Variants in MAPK10 observed in about 807,000 individuals in gnomAD.
The protein encoded by MAPK10 is mitogen-activated protein kinase 10, also known as JNK3 alpha protein kinase.
A neutral mutation model predicts 59.3 loss-of-function variants in MAPK10; 25 were observed. The ratio of observed to expected loss-of-function variants is 0.42; its 90% CI spans 0.31 to 0.59. The LOEUF is 0.59. MAPK10 is among the 20% of genes least tolerant of loss of function. The pLI is 0.15. For missense variants in MAPK10, 351 were observed against 568.9 expected (o/e 0.62, Z 3.90); for synonymous variants, 190 against 200.5 (o/e 0.95, Z 0.44).
At chr4:86,071,557 A>G (rs2149003633) in intron 9 of MAPK10, among the ~76,000 whole-genome samples, 1 of 147,322 alleles carries the variant, frequency 6.8e-6, no homozygotes, top group Middle Eastern at 3.5e-3. Flanking sequence ...TCCATCTTGA[A>G]TTGATTTTTG....
chr4:86,398,067 G>C (rs1489874488), intron 1 of MAPK10, among the ~76,000 whole-genome samples: 1 of 151,814 alleles, frequency 6.6e-6, no homozygotes, highest in Admixed American at 6.6e-5. Flanking sequence ...CTCAGTTCTG[G>C]GGAGATAGAG....
At chr4:86,216,324 A>G (rs1334527281) in intron 2 of MAPK10, among the ~76,000 whole-genome samples, 2 of 148,436 alleles carry the variant, frequency 1.3e-5, no homozygotes, top group African/African-American at 2.5e-5. Context: ...ATATAGCCAC[A>G]TATATACACA....
At chr4:86,259,461 T>A (rs2093895551) in intron 2 of MAPK10, among the ~76,000 whole-genome samples, 1 of 152,090 alleles carries the variant, frequency 6.6e-6, no homozygotes, top group Admixed American at 6.6e-5. Context: ...TATTTCTAAG[T>A]TAAATAAGAT....
At chr4:86,055,056 A>T (rs2044289485) in intron 11 of MAPK10, among the ~76,000 whole-genome samples, 1 of 152,168 alleles carries the variant, frequency 6.6e-6, no homozygotes. Context: ...GTACAATATC[A>T]CTGAGTTACC....
At chr4:86,530,850 T>C (rs1254811319) in intron 1 of MAPK10, among the ~76,000 whole-genome samples, 2 of 152,312 alleles carry the variant, frequency 1.3e-5, no homozygotes, top group East Asian at 3.9e-4. Context: ...TGCATCTTTT[T>C]CCTGTGGTCA....
intron 3 of MAPK10, among the ~76,000 whole-genome samples, chr4:86,179,282 C>T (rs190866701): frequency 5.6e-4 from 85 of 151,712 alleles, no homozygotes; most frequent in African/African-American, 1.8e-3. Context: ...CAATAAAATA[C>T]CTAGGAATAA....
intron 1 of MAPK10, among the ~76,000 whole-genome samples, chr4:86,467,384 A>G (rs1752294733): frequency 6.6e-6 from 1 of 152,240 alleles, no homozygotes; most frequent in Non-Finnish European, 1.5e-5. Context: ...CTGTGTCTAC[A>G]GTGTATATTT....
At chr4:86,237,983 A>G (rs2092405268) in intron 2 of MAPK10, among the ~76,000 whole-genome samples, 2 of 152,220 alleles carry the variant, frequency 1.3e-5, no homozygotes, top group Admixed American at 6.5e-5. Flanking sequence ...TTTGGGTTTT[A>G]CATTTAAGTC....
upstream of MAPK10, among the ~76,000 whole-genome samples, chr4:86,361,680 CAT>C (rs1286950497): frequency 1.3e-5 from 2 of 152,018 alleles, no homozygotes; most frequent in African/African-American, 2.4e-5. Flanking sequence ...CACACACACA[CAT>C]GCTGGAATAC....
At chr4:86,546,589 G>A (rs534894858) in intron 1 of MAPK10, among the ~76,000 whole-genome samples, 1 of 151,006 alleles carries the variant, frequency 6.6e-6, no homozygotes, top group South Asian at 2.1e-4. Flanking sequence ...AGAATTTCAA[G>A]GTGGCAAAAA....
chr4:86,583,321 C>G (rs921861474), intron 1 of MAPK10, among the ~76,000 whole-genome samples: 2 of 152,002 alleles, frequency 1.3e-5, no homozygotes, highest in African/African-American at 4.8e-5. Flanking sequence ...CCACGCCTGG[C>G]CCCCATATAT....
chr4:86,401,444 A>G (rs1275564020), intron 1 of MAPK10, among the ~76,000 whole-genome samples: 2 of 152,220 alleles, frequency 1.3e-5, no homozygotes, highest in African/African-American at 2.4e-5. Flanking sequence ...GTTAAAAATT[A>G]CAATTGGTAG....
At chr4:86,108,756 T>C (rs992376689) in intron 4 of MAPK10, among the ~76,000 whole-genome samples, 5 of 152,212 alleles carry the variant, frequency 3.3e-5, no homozygotes, top group African/African-American at 1.2e-4. Context: ...CTGACGACTG[T>C]TAGTCCTGCC....
intron 2 of MAPK10, among the ~76,000 whole-genome samples, chr4:86,274,019 G>A (rs183007132): frequency 6.6e-6 from 1 of 151,902 alleles, no homozygotes. Context: ...GCTATTAAAG[G>A]GTAAAATACA....
At chr4:86,242,977 T>C (rs946331293) in intron 2 of MAPK10, among the ~76,000 whole-genome samples, 4 of 152,170 alleles carry the variant, frequency 2.6e-5, no homozygotes, top group Non-Finnish European at 4.4e-5. Context: ...CTTCCGATCA[T>C]TGGGTTGCAC....
chr4:86,063,430 C>G (rs1215574078), intron 11 of MAPK10, among the ~76,000 whole-genome samples: 2 of 152,086 alleles, frequency 1.3e-5, no homozygotes, highest in African/African-American at 4.8e-5. Context: ...AGCACAGGTA[C>G]TCTAAGAATT....
chr4:86,339,486 A>G (rs1723600382), intron 2 of MAPK10, among the ~76,000 whole-genome samples: 1 of 152,210 alleles, frequency 6.6e-6, no homozygotes, highest in Non-Finnish European at 1.5e-5. Context: ...TAATAGATTC[A>G]GGGTTTGAAA....
At chr4:86,368,464 A>C (rs1213201022) in intron 1 of MAPK10, among the ~76,000 whole-genome samples, 1 of 152,140 alleles carries the variant, frequency 6.6e-6, no homozygotes, top group Non-Finnish European at 1.5e-5. Context: ...AATCACTTTT[A>C]ATTTTTTTCT....
intron 3 of MAPK10, among the ~76,000 whole-genome samples, chr4:86,165,694 C>T (rs2071470990): frequency 1.3e-5 from 2 of 151,542 alleles, no homozygotes; most frequent in South Asian, 2.1e-4. Flanking sequence ...AGCCACAGCA[C>T]CTGGCCTTAT....
Sources: gnomAD v4.1 joint callset for allele counts (sites outside exome capture counted in the v4.1 genomes callset) on GRCh38, gnomAD v4.1.1 for gene constraint, MANE v1.5 for transcripts, NCBI Gene and HGNC (gene_info 2026-07-23, HGNC 2026-07-21) for gene names.